PALLD: variants seen among roughly 807,000 people sequenced by gnomAD.
PALLD encodes palladin, cytoskeletal associated protein, also known as palladin.
Under a neutral mutation model 123.5 loss-of-function variants are expected in PALLD, and 61 were observed. The ratio of observed to expected loss-of-function variants is 0.49; its 90% CI spans 0.40 to 0.61. The LOEUF is 0.61. Ranked by LOEUF, PALLD falls within the 20% of genes least tolerant of loss-of-function variation. PALLD has a pLI of 0.00. For missense variants in PALLD, 1,273 were observed against 1,377.0 expected (o/e 0.92, Z 1.20); for synonymous variants, 465 against 496.4 (o/e 0.94, Z 0.84).
At chr4:168,832,096 C>T (rs911783408) in intron 10 of PALLD, 18 of 953,854 alleles carry the variant, frequency 1.9e-5, no homozygotes, top group Non-Finnish European at 2.1e-5. Context: ...GCGCCCGGTC[C>T]GCGGAGCCCG....
intron 2 of PALLD, among the ~76,000 whole-genome samples, chr4:168,537,317 T>C (rs1200546585): frequency 6.6e-6 from 1 of 152,182 alleles, no homozygotes; most frequent in Non-Finnish European, 1.5e-5. Flanking sequence ...CTTTACTCAC[T>C]CAATAACTAA....
At chr4:168,866,778 T>G (rs1007771063) in intron 10 of PALLD, among the ~76,000 whole-genome samples, 56 of 152,206 alleles carry the variant, frequency 3.7e-4, no homozygotes, top group Non-Finnish European at 1.2e-4. Flanking sequence ...AAGTCTAGCA[T>G]ATGAGACATA....
intron 2 of PALLD, among the ~76,000 whole-genome samples, chr4:168,658,431 C>T (rs1257560992): frequency 6.6e-6 from 1 of 151,824 alleles, no homozygotes; most frequent in Non-Finnish European, 1.5e-5. Context: ...ACTACTGACA[C>T]GTGCCACCAT....
At chr4:168,517,552 T>C (rs1763106402) in intron 2 of PALLD, among the ~76,000 whole-genome samples, 1 of 152,188 alleles carries the variant, frequency 6.6e-6, no homozygotes, top group Admixed American at 6.5e-5. Flanking sequence ...ATTAGCCATA[T>C]CAAATCTATG....
intron 10 of PALLD, among the ~76,000 whole-genome samples, chr4:168,866,717 C>A (rs1750342216): frequency 6.6e-6 from 1 of 152,312 alleles, no homozygotes; most frequent in Admixed American, 6.5e-5. Context: ...TCAAAGTCAG[C>A]TCCTCCAGGT....
At chr4:168,724,107 A>G (rs1786305784) in intron 10 of PALLD, among the ~76,000 whole-genome samples, 1 of 151,996 alleles carries the variant, frequency 6.6e-6, no homozygotes, top group African/African-American at 2.4e-5. Context: ...GTTGACCAGG[A>G]TGGTCTTGAT....
chr4:168,898,115 C>G, intron 13 of PALLD: 2 of 296,342 alleles, frequency 6.7e-6, no homozygotes, highest in South Asian at 7.0e-5. Context: ...CCTGCATCAG[C>G]TTTTACCCTA....
chr4:168,608,371 A>G (rs1773397027), intron 2 of PALLD, among the ~76,000 whole-genome samples: 1 of 152,170 alleles, frequency 6.6e-6, no homozygotes, highest in African/African-American at 2.4e-5. Flanking sequence ...CTCCTTTTAA[A>G]TGATAAAATT....
At position 168,689,483 on chromosome 4, in the gene PALLD, T is replaced by G. The variant is rs58539205; in HGVS notation, c.1336-1120T>G. Among the ~76,000 whole-genome samples the G allele has an allele frequency of 0.019, 2,523 of 135,642 alleles. 177 individuals are homozygous for G. In the East Asian group the frequency reaches 0.27, roughly 15 times the overall value. The allele number at this position is 135,642 out of a possible 152,430, so 89.0% of individuals were successfully genotyped here. ...TTTTTTTTGAGATGGAGTCTTGCTC[T>G]GTCACCCAGGCTGAAGTGCAATGGT... On this transcript the variant is annotated intron_variant, in intron 6 of 21. Transcript: ENST00000505667.
intron 10 of PALLD, among the ~76,000 whole-genome samples, chr4:168,873,545 T>G (rs1049806311): frequency 1.3e-5 from 2 of 152,238 alleles, no homozygotes; most frequent in African/African-American, 4.8e-5. Flanking sequence ...GAATTTCCAA[T>G]TTACATAAAA....
At chr4:168,600,672 T>C (rs1288110835) in intron 2 of PALLD, among the ~76,000 whole-genome samples, 1 of 152,158 alleles carries the variant, frequency 6.6e-6, no homozygotes, top group East Asian at 1.9e-4. Context: ...TTAAATATAA[T>C]GATGATTGAG....
intron 10 of PALLD, among the ~76,000 whole-genome samples, chr4:168,780,130 C>T (rs139206623): frequency 0.021 from 3,252 of 152,262 alleles, 119 homozygotes; most frequent in African/African-American, 0.073. Flanking sequence ...AACTCCTGAC[C>T]TCAAGTGATT....
chr4:168,606,203 G>T (rs1450701187), intron 2 of PALLD, among the ~76,000 whole-genome samples: 1 of 152,122 alleles, frequency 6.6e-6, no homozygotes. Context: ...GCATCCTTAC[G>T]TGTGATTTTT....
intron 17 of PALLD, among the ~76,000 whole-genome samples, chr4:168,919,418 A>G (rs759370288): frequency 6.6e-6 from 1 of 151,898 alleles, no homozygotes; most frequent in African/African-American, 2.4e-5. Context: ...CCAGCTACTC[A>G]GGAGGCTGAG....
At chr4:168,650,460 T>C (rs963693865) in intron 2 of PALLD, among the ~76,000 whole-genome samples, 4 of 152,238 alleles carry the variant, frequency 2.6e-5, no homozygotes, top group Admixed American at 2.6e-4. Context: ...TTATGCAGGA[T>C]ACCATAATGG....
At chr4:168,774,502 C>T (rs184559605) in intron 10 of PALLD, among the ~76,000 whole-genome samples, 9 of 152,052 alleles carry the variant, frequency 5.9e-5, no homozygotes, top group East Asian at 1.9e-4. Flanking sequence ...CCAAGGCAGG[C>T]GGATCACTGG....
intron 10 of PALLD, among the ~76,000 whole-genome samples, chr4:168,749,723 A>G (rs2150379345): frequency 6.6e-6 from 1 of 152,206 alleles, no homozygotes; most frequent in Admixed American, 6.5e-5. Flanking sequence ...TAATAATGAT[A>G]ATTTCAACCT....
intron 10 of PALLD, among the ~76,000 whole-genome samples, chr4:168,746,073 T>C (rs1295272072): frequency 6.6e-6 from 1 of 152,164 alleles, no homozygotes; most frequent in Non-Finnish European, 1.5e-5. Flanking sequence ...TTCTGGCCTA[T>C]ACAATGTCCC....
chr4:168,677,416 G>A (rs564529255), intron 3 of PALLD, among the ~76,000 whole-genome samples: 1 of 152,240 alleles, frequency 6.6e-6, no homozygotes, highest in African/African-American at 2.4e-5. Flanking sequence ...TTATTCAGGG[G>A]GCCCCAGCCT....
Sources: gnomAD v4.1 joint callset for allele counts (sites outside exome capture counted in the v4.1 genomes callset) on GRCh38, gnomAD v4.1.1 for gene constraint, MANE v1.5 for transcripts, NCBI Gene and HGNC (gene_info 2026-07-23, HGNC 2026-07-21) for gene names.